Variants in THSD7A observed in about 807,000 individuals in gnomAD.
THSD7A encodes thrombospondin type-1 domain-containing protein 7A.
THSD7A carries 96 observed loss-of-function variants against 231.3 expected under a neutral mutation model. The ratio of observed to expected loss-of-function variants is 0.41; its 90% CI spans 0.35 to 0.49. THSD7A has a LOEUF of 0.49. Among genes scored for constraint, THSD7A ranks in the 20% least tolerant of loss-of-function variants. The pLI, the probability that THSD7A is intolerant of heterozygous loss-of-function variation, is 0.05. For missense variants in THSD7A, 2,290 were observed against 2,070.2 expected, an observed-to-expected ratio of 1.11 and a Z score of -2.06; for synonymous variants, 940 against 743.3, an observed-to-expected ratio of 1.26 and a Z score of -4.30.
At chr7:11,417,094 G>A (rs990527710) in intron 17 of THSD7A, among the ~76,000 whole-genome samples, 7 of 152,198 alleles carry the variant, frequency 4.6e-5, no homozygotes, top group African/African-American at 1.7e-4. Flanking sequence ...CACCATTAAA[G>A]TACCTTTACT....
chr7:11,521,876 T>A (rs997338019), intron 6 of THSD7A, among the ~76,000 whole-genome samples: 4 of 151,990 alleles, frequency 2.6e-5, no homozygotes, highest in African/African-American at 7.3e-5. Flanking sequence ...GTAAAACAAT[T>A]CAGTGTAAAA....
At chr7:11,567,173 A>G (rs756429362) in intron 4 of THSD7A, among the ~76,000 whole-genome samples, 7 of 152,168 alleles carry the variant, frequency 4.6e-5, no homozygotes, top group Non-Finnish European at 8.8e-5. Flanking sequence ...TTATAAAGGA[A>G]GAGGTTTAAT....
At chr7:11,378,476 C>T (rs2115290238) in intron 26 of THSD7A, among the ~76,000 whole-genome samples, 1 of 152,308 alleles carries the variant, frequency 6.6e-6, no homozygotes, top group Non-Finnish European at 1.5e-5. Flanking sequence ...TAAGAGCTGT[C>T]TGTGAATGTG....
chr7:11,541,239 T>A (rs1789132857), intron 6 of THSD7A, among the ~76,000 whole-genome samples, 180 bp downstream of exon 6: 1 of 152,148 alleles, frequency 6.6e-6, no homozygotes, highest in Non-Finnish European at 1.5e-5. Context: ...ACTGCCACCA[T>A]TTCATTAGAA....
chr7:11,575,558 CA>C (rs1158759389), intron 4 of THSD7A, among the ~76,000 whole-genome samples: 1 of 152,182 alleles, frequency 6.6e-6, no homozygotes, highest in Non-Finnish European at 1.5e-5. Flanking sequence ...CATTGAACTG[CA>C]CCTAAGCAGT....
At chr7:11,773,634 T>A (rs916288741) in intron 1 of THSD7A, among the ~76,000 whole-genome samples, 2 of 152,144 alleles carry the variant, frequency 1.3e-5, no homozygotes, top group African/African-American at 4.8e-5. Flanking sequence ...TTTGAATACA[T>A]AAGACTTTGA....
In THSD7A at chr7:11,383,143, G is replaced by GCA. The variant is rs1055651613; in HGVS notation, c.4412-529_4412-528dup. On this transcript the variant is annotated intron_variant, in intron 23 of 27. Coordinates refer to ENST00000423059, the MANE Select transcript of THSD7A (RefSeq NM_015204.3). ...TTTAATTTTTTCACTATACACACAC[G>GCA]CACACACACATAATTACTATATACA... Among the ~76,000 whole-genome samples the GCA allele has an allele frequency of 1.1e-4, 16 of 151,072 alleles. No individual in the cohort carries two copies. In the Admixed American group the frequency reaches 1.1e-3, roughly 10 times the overall value.
chr7:11,812,438 A>G (rs1335741596), intron 1 of THSD7A, among the ~76,000 whole-genome samples: 1 of 152,210 alleles, frequency 6.6e-6, no homozygotes, highest in Admixed American at 6.5e-5. Flanking sequence ...CTTATATTTA[A>G]TTATAGGGCA....
intron 2 of THSD7A, among the ~76,000 whole-genome samples, chr7:11,604,354 T>A (rs1051189583): frequency 6.6e-6 from 1 of 152,132 alleles, no homozygotes; most frequent in African/African-American, 2.4e-5. Flanking sequence ...CCGGGTACCG[T>A]GTTGAGTTTT....
At chr7:11,597,066 A>G (rs1780388580) in intron 2 of THSD7A, among the ~76,000 whole-genome samples, 1 of 152,240 alleles carries the variant, frequency 6.6e-6, no homozygotes, top group Admixed American at 6.5e-5. Context: ...CATTGATGAC[A>G]TTATGCTGAT....
chr7:11,777,950 C>A (rs929355373), intron 1 of THSD7A, among the ~76,000 whole-genome samples: 75 of 149,900 alleles, frequency 5.0e-4, no homozygotes, highest in African/African-American at 1.8e-3. Flanking sequence ...GAGATCGAGA[C>A]CATCCCGGCT....
intron 6 of THSD7A, among the ~76,000 whole-genome samples, chr7:11,538,847 A>C (rs574561679): frequency 6.6e-6 from 1 of 152,292 alleles, no homozygotes; most frequent in South Asian, 2.1e-4. Context: ...GGAAATGGAA[A>C]AATGAACAGC....
At chr7:11,428,494 A>G (rs1043729968) in intron 14 of THSD7A, among the ~76,000 whole-genome samples, 1 of 152,190 alleles carries the variant, frequency 6.6e-6, no homozygotes, top group African/African-American at 2.4e-5. Context: ...GTTTTATATC[A>G]AACACATTTA....
chr7:11,528,918 A>G (rs1233760089), intron 6 of THSD7A, among the ~76,000 whole-genome samples: 3 of 152,152 alleles, frequency 2.0e-5, no homozygotes, highest in Admixed American at 2.0e-4. Context: ...TAAAGTTTAA[A>G]GATTACTACA....
At chr7:11,682,417 C>T (rs139657690) in intron 1 of THSD7A, among the ~76,000 whole-genome samples, 166 of 152,014 alleles carry the variant, frequency 1.1e-3, no homozygotes, top group Non-Finnish European at 1.6e-3. Flanking sequence ...AGATCTACCA[C>T]GGAAACTGAA....
chr7:11,463,992 T>A (rs1316236700), intron 9 of THSD7A, among the ~76,000 whole-genome samples: 1 of 152,148 alleles, frequency 6.6e-6, no homozygotes, highest in Non-Finnish European at 1.5e-5. Context: ...CACCAGAATC[T>A]CAGAGCTAAT....
At chr7:11,769,139 A>ATTTTTTTTTT in intron 1 of THSD7A, among the ~76,000 whole-genome samples, 1 of 36,740 alleles carries the variant, frequency 2.7e-5, no homozygotes, top group Non-Finnish European at 6.3e-5. Flanking sequence ...ATATATATAT[A>ATTTTTTTTTT]TATATATATA....
intron 4 of THSD7A, among the ~76,000 whole-genome samples, chr7:11,559,043 GAA>G (rs1163364563): frequency 1.3e-5 from 2 of 152,180 alleles, no homozygotes; most frequent in Non-Finnish European, 2.9e-5. Context: ...TGGCTTTGGG[GAA>G]AGAGGCCAGG....
intron 1 of THSD7A, among the ~76,000 whole-genome samples, chr7:11,665,711 C>T (rs1783103850): frequency 2.0e-5 from 3 of 152,078 alleles, no homozygotes; most frequent in Admixed American, 6.6e-5. Context: ...TGGAGTCTGG[C>T]TCAGTCACCT....
Sources: gnomAD v4.1 joint callset for allele counts (sites outside exome capture counted in the v4.1 genomes callset) on GRCh38, gnomAD v4.1.1 for gene constraint, MANE v1.5 for transcripts, NCBI Gene and HGNC (gene_info 2026-07-23, HGNC 2026-07-21) for gene names.